Variants in ALMS1 observed in about 807,000 individuals in gnomAD.
ALMS1 encodes the protein centrosome-associated protein ALMS1.
ALMS1 carries 271 observed loss-of-function variants against 352.2 expected under a neutral mutation model. The observed-to-expected ratio is 0.77, with a 90% CI of 0.70 to 0.85. The LOEUF is 0.85. Among genes scored for constraint, ALMS1 ranks in the 40% least tolerant of loss-of-function variants. The probability of loss-of-function intolerance (pLI) is 0.00; values close to 1 mark genes in which losing one functional copy is unlikely to be tolerated. For synonymous variants in ALMS1, 1,865 were observed against 1,761.2 expected (o/e 1.06, Z -1.48); for missense variants, 5,445 against 4,870.7 (o/e 1.12, Z -3.51).
intron 16 of ALMS1, among the ~76,000 whole-genome samples, chr2:73,586,714 A>T (rs770515023): frequency 6.6e-6 from 1 of 152,030 alleles, no homozygotes; most frequent in African/African-American, 2.4e-5. Flanking sequence ...TTGCTTAGTC[A>T]TGCTTCGGCT....
At position 73,395,082 on chromosome 2, in the gene ALMS1, T is replaced by A. The variant is rs867208221; in HGVS notation, c.324+8890T>A. On this transcript the variant is annotated intron_variant, in intron 1 of 22. Transcript: ENST00000613296. ...TGTGTATATATATATATATATATTT[T>A]TTTTTTTTTTTTTTTTTGAGACAGA... Among the ~76,000 whole-genome samples the A allele has an allele frequency of 6.1e-3, 749 of 123,172 alleles. 16 individuals carry two copies. Among genetic ancestry groups the A allele is most frequent in the East Asian group, 0.037 (168 of 4,496 alleles). 80.8% of individuals were successfully genotyped at this position (123,172 alleles called of 152,430 possible).
At chr2:73,408,864 CTTTTTTTTTTTTTTT>C in intron 2 of ALMS1, 117 bp downstream of exon 2, 1 of 187,556 alleles carries the variant, frequency 5.3e-6, no homozygotes. Context: ...GTTTTCTTGT[CTTTTTTTTTTTTTTT>C]TTTTTTTTTT....
intron 7 of ALMS1, among the ~76,000 whole-genome samples, chr2:73,435,927 TAACAGAATACAGGAA>T (rs1186913667): frequency 6.6e-6 from 1 of 152,202 alleles, no homozygotes; most frequent in African/African-American, 2.4e-5. Flanking sequence ...TTAAATCAGT[TAACAGAATACAGGAA>T]ATGAAGTATG....
At chr2:73,438,170 G>A (rs1671643637) in intron 7 of ALMS1, among the ~76,000 whole-genome samples, 1 of 151,314 alleles carries the variant, frequency 6.6e-6, no homozygotes, top group African/African-American at 2.5e-5. Flanking sequence ...CTCATCAATA[G>A]GGTGAAGAGG....
At chr2:73,462,814 C>G (rs1045834148) in intron 9 of ALMS1, 21 of 152,168 alleles carry the variant, frequency 1.4e-4, no homozygotes, top group Admixed American at 1.3e-3. Flanking sequence ...ATCCTAGTCT[C>G]TGATAAAACA....
rs755426433 is a variant in ALMS1, at chr2:73,490,562, A to G, written c.8603A>G (p.Lys2868Arg). ...AGTTCCAGACTAGGAGTAAAAGAGAAGAATGTAACTATAACTCCAGATCTT... is the reference window on the plus strand; with the variant it reads ...AGTTCCAGACTAGGAGTAAAAGAGAGGAATGTAACTATAACTCCAGATCTT... ...RSSSRLGVKE[K>R]NVTITPDLPS... The change falls in exon 10 of 23, where the codon AAG becomes AGG. Residue 2868 changes from lysine to arginine, a missense_variant. By Grantham distance (26) the Lys-to-Arg change is conservative. Transcript: ENST00000613296. 5.0e-6 allele frequency: 8 copies of G among 1,614,206 alleles called. No individual in the cohort carries two copies. The highest frequency in any genetic ancestry group is 1.1e-5 in the South Asian group (1 of 91,084).
At chr2:73,446,547 T>C (rs892187381) in intron 7 of ALMS1, among the ~76,000 whole-genome samples, 1 of 152,320 alleles carries the variant, frequency 6.6e-6, no homozygotes, top group East Asian at 1.9e-4. Flanking sequence ...GAGTTAATAC[T>C]TGATACTTCT....
At chr2:73,587,853 C>T (rs1212269183) in intron 16 of ALMS1, among the ~76,000 whole-genome samples, 1 of 152,090 alleles carries the variant, frequency 6.6e-6, no homozygotes, top group Non-Finnish European at 1.5e-5. Flanking sequence ...ACCAATACCA[C>T]AGAAATACAA....
Position 73,451,278 on chromosome 2 carries a change from C to T in ALMS1, c.4751C>T (p.Ala1584Val). ...GEKPIVNYKQ[A>V]FPDGHLPEEA... ...AAGCCGATTGTTAACTACAAACAGG[C>T]CTTTCCAGATGGTCATCTACCTGAA... The change falls in exon 8 of 23, where the codon GCC becomes GTC. Residue 1584 changes from alanine (A) to valine (V), a missense_variant. Ala to Val is a moderately conservative substitution (Grantham distance 64, BLOSUM62 0). Coordinates refer to ENST00000613296, the MANE Select transcript of ALMS1 (RefSeq NM_001378454.1). The T allele has an allele frequency of 6.2e-7, 1 of 1,613,826 alleles. No individual in the cohort carries two copies. The highest frequency in any genetic ancestry group is 1.1e-5 in the South Asian group (1 of 91,050).
rs34071195 is a variant in ALMS1 at position 73,559,061 on chromosome 2, A to C, written c.10303A>C (p.Lys3435Gln). 1 of 1,614,060 alleles carries C rather than the reference A, an allele frequency of 6.2e-7. No homozygotes were observed. The highest frequency in any genetic ancestry group is 2.2e-5 in the East Asian group (1 of 44,870). ...GCCAGACACTAAAGCCATTACACAG[A>C]AAGAGGAGATCCATAGGAAGAAGAC... ...NLPDTKAITQKEEIHRKKTVP... is the reference protein window; with the variant it reads ...NLPDTKAITQQEEIHRKKTVP... The change falls in exon 15 of 23, where the codon AAA (lysine) becomes CAA (glutamine). Residue 3435 changes from lysine to glutamine, a missense_variant. Coordinates refer to ENST00000613296, the MANE Select transcript of ALMS1 (RefSeq NM_001378454.1).
chr2:73,434,113 T>A (rs988796534), intron 7 of ALMS1, among the ~76,000 whole-genome samples: 1 of 152,134 alleles, frequency 6.6e-6, no homozygotes, highest in Non-Finnish European at 1.5e-5. Context: ...TTGTTTCATT[T>A]ATTTTCATTC....
At chr2:73,397,018 G>T (rs1462076951) in intron 1 of ALMS1, among the ~76,000 whole-genome samples, 1 of 152,054 alleles carries the variant, frequency 6.6e-6, no homozygotes, top group African/African-American at 2.4e-5. Flanking sequence ...TATTCAAAAT[G>T]GTTATCCCCA....
chr2:73,586,681 G>A (rs1429486819), intron 16 of ALMS1, among the ~76,000 whole-genome samples: 2 of 152,092 alleles, frequency 1.3e-5, no homozygotes, highest in Non-Finnish European at 2.9e-5. Context: ...CAGGTAATAA[G>A]GAGGCCTCCA....
chr2:73,538,820 G>A (rs574188181), intron 12 of ALMS1, among the ~76,000 whole-genome samples: 4 of 152,178 alleles, frequency 2.6e-5, no homozygotes, highest in East Asian at 1.9e-4. Context: ...ACTGCAAGGC[G>A]GCAGCGAGGC....
chr2:73,452,304 A>G lies in ALMS1; in HGVS notation c.5777A>G (p.Gln1926Arg), dbSNP rs376161519. The G allele has an allele frequency of 1.2e-6, 2 of 1,613,910 alleles. No individual in the cohort carries two copies. The highest frequency in any genetic ancestry group is 2.7e-5 in the African/African-American group (2 of 74,888). ...TTAAATGTTTTTGTTGTTCCTGGAC[A>G]AGGTGACCGGAAGACTGAGATACCA... Reference protein sequence around the residue: ...EALNVFVVPGQGDRKTEIPTV... With the variant: ...EALNVFVVPGRGDRKTEIPTV... Residue 1926 changes from glutamine to arginine, a missense_variant, in exon 8 of 23, where the codon CAA becomes CGA. Gln to Arg is a conservative substitution (Grantham distance 43). Transcript: ENST00000613296.
intron 15 of ALMS1, among the ~76,000 whole-genome samples, chr2:73,567,470 T>G (rs1221751350): frequency 6.6e-6 from 1 of 152,156 alleles, no homozygotes; most frequent in East Asian, 1.9e-4. Flanking sequence ...TAAGGCAAAA[T>G]ATGTATTTAT....
At chr2:73,468,520 T>C (rs779094146) in intron 9 of ALMS1, among the ~76,000 whole-genome samples, 3 of 152,032 alleles carry the variant, frequency 2.0e-5, no homozygotes, top group Non-Finnish European at 4.4e-5. Flanking sequence ...CTGAAACTTA[T>C]ACCCATTAAA....
At chr2:73,445,078 A>G (rs1671784497) in intron 7 of ALMS1, among the ~76,000 whole-genome samples, 1 of 152,008 alleles carries the variant, frequency 6.6e-6, no homozygotes, top group Non-Finnish European at 1.5e-5. Flanking sequence ...CTTTTGCCAG[A>G]CTTTTTAAAA....
chr2:73,402,045 T>TGTGTGA (rs934806044), intron 1 of ALMS1, among the ~76,000 whole-genome samples: 2 of 139,462 alleles, frequency 1.4e-5, no homozygotes, highest in South Asian at 4.3e-4. Flanking sequence ...TGTGTGTGTG[T>TGTGTGA]GTGTGAGTGT....
Sources: gnomAD v4.1 joint callset for allele counts (sites outside exome capture counted in the v4.1 genomes callset) on GRCh38, gnomAD v4.1.1 for gene constraint, MANE v1.5 for transcripts, NCBI Gene and HGNC (gene_info 2026-07-23, HGNC 2026-07-21) for gene names.